The following XRCC4 variants were observed in gnomAD, a reference collection of about 807,000 sequenced individuals.
XRCC4 encodes the protein X-ray repair cross complementing 4.
Under a neutral mutation model 39.1 loss-of-function variants are expected in XRCC4, and 28 were observed. The ratio of observed to expected loss-of-function variants is 0.72; its 90% CI spans 0.53 to 0.98. The LOEUF (loss-of-function observed/expected upper bound fraction) is 0.98, where lower values mean the gene tolerates loss of function less well. Ranked by LOEUF, XRCC4 falls within the 50% of genes least tolerant of loss-of-function variation. The pLI is 0.00. For synonymous variants in XRCC4, 123 were observed against 126.4 expected (o/e 0.97, Z 0.18); for missense variants, 350 against 376.4 (o/e 0.93, Z 0.58).
chr5:83,134,443 G>C (rs566188352), intron 3 of XRCC4, among the ~76,000 whole-genome samples: 2 of 152,166 alleles, frequency 1.3e-5, no homozygotes, highest in Non-Finnish European at 2.9e-5. Context: ...CTAAAGGGTT[G>C]TAAATGCACC....
Position 83,104,891 on chromosome 5 carries a change from T to C in XRCC4, c.-10-19T>C, listed in dbSNP as rs1353239364. ...TTACAGTTTCTTTTAAAAATATTAA[T>C]TGTATTCTCCCATTACAGGTATTAA... On this transcript the variant is annotated intron_variant, in intron 1 of 7. Transcript: ENST00000396027. 1.9e-6 allele frequency: 3 copies of C among 1,605,404 alleles called. No homozygotes were observed. In the South Asian group the frequency reaches 3.3e-5, roughly 18 times the overall value.
chr5:83,237,048 A>G (rs562262547), intron 6 of XRCC4, among the ~76,000 whole-genome samples: 41 of 152,162 alleles, frequency 2.7e-4, no homozygotes, highest in African/African-American at 9.9e-4. Context: ...CCTTTTTTCA[A>G]AAAGGCAATA....
intron 7 of XRCC4, among the ~76,000 whole-genome samples, chr5:83,301,934 A>G (rs1361362416): frequency 6.6e-6 from 1 of 152,016 alleles, no homozygotes; most frequent in South Asian, 2.1e-4. Flanking sequence ...ATTGGTCTGT[A>G]TATCTATTTT....
chr5:83,114,402 G>A (rs1476064976), intron 3 of XRCC4, among the ~76,000 whole-genome samples: 1 of 152,070 alleles, frequency 6.6e-6, no homozygotes, highest in Non-Finnish European at 1.5e-5. Flanking sequence ...CCTGTTGAAT[G>A]CTTTGCTGCT....
chr5:83,343,386 C>T (rs1756820985), intron 7 of XRCC4, among the ~76,000 whole-genome samples: 1 of 152,124 alleles, frequency 6.6e-6, no homozygotes, highest in Non-Finnish European at 1.5e-5. Context: ...ACTTCATTCT[C>T]CCCAAAAGAA....
At chr5:83,093,014 G>GACACAC (rs34020910) in intron 1 of XRCC4, among the ~76,000 whole-genome samples, 6,366 of 149,364 alleles carry the variant, frequency 0.043, 143 homozygotes, top group African/African-American at 0.055. Context: ...TAAATGAATG[G>GACACAC]ACACACACAC....
chr5:83,325,133 C>T (rs1756207382), intron 7 of XRCC4, among the ~76,000 whole-genome samples: 2 of 152,074 alleles, frequency 1.3e-5, no homozygotes, highest in Admixed American at 1.3e-4. Context: ...GGAAATGTTT[C>T]TGCCTCCTAA....
intron 3 of XRCC4, among the ~76,000 whole-genome samples, chr5:83,179,340 C>A (rs141292448): frequency 4.0e-4 from 61 of 152,202 alleles, no homozygotes; most frequent in African/African-American, 1.2e-3. Flanking sequence ...AAGAGCATGT[C>A]TCTCTTTTTT....
At chr5:83,189,286 C>CT (rs928376078) in intron 3 of XRCC4, among the ~76,000 whole-genome samples, 150 of 150,940 alleles carry the variant, frequency 9.9e-4, no homozygotes, top group African/African-American at 3.4e-3. Flanking sequence ...GAGTTTTTTT[C>CT]TTTTTTTTTG....
intron 7 of XRCC4, among the ~76,000 whole-genome samples, chr5:83,276,162 C>T (rs574839868): frequency 6.6e-6 from 1 of 152,174 alleles, no homozygotes; most frequent in Non-Finnish European, 1.5e-5. Flanking sequence ...TACAATACTT[C>T]TCAAGATGCT....
At chr5:83,300,951 G>A (rs1018816636) in intron 7 of XRCC4, among the ~76,000 whole-genome samples, 2 of 152,070 alleles carry the variant, frequency 1.3e-5, no homozygotes, top group African/African-American at 2.4e-5. Context: ...TGGTGTATAT[G>A]TGCCACATTT....
At chr5:83,154,498 G>A (rs1373434482) in intron 3 of XRCC4, among the ~76,000 whole-genome samples, 6 of 152,104 alleles carry the variant, frequency 3.9e-5, no homozygotes, top group Non-Finnish European at 8.8e-5. Flanking sequence ...CTGGTCCCAA[G>A]CATTTCAGAT....
intron 6 of XRCC4, among the ~76,000 whole-genome samples, chr5:83,245,989 AT>A (rs1753085719): frequency 6.6e-6 from 1 of 151,980 alleles, no homozygotes; most frequent in East Asian, 1.9e-4. Flanking sequence ...ATAGATTAAA[AT>A]CTCTCAAATT....
rs1746408501 is a variant in XRCC4 at position 83,110,882 on chromosome 5, A to G, written c.140-146A>G. On this transcript the variant is annotated intron_variant, in intron 2 of 7. Coordinates refer to ENST00000396027, the MANE Select transcript of XRCC4 (RefSeq NM_003401.5). ...TAGTTCAGTAAAAAGGAATAATTTGATTTAAAAATGTGTAGTATAGGGATT... is the reference window on the plus strand; with the variant it reads ...TAGTTCAGTAAAAAGGAATAATTTGGTTTAAAAATGTGTAGTATAGGGATT... 4.3e-6 allele frequency: 3 copies of G among 697,170 alleles called. No individual in the cohort carries two copies. The South Asian group carries it at 7.6e-5, about 18-fold the overall frequency. 43.2% of individuals were successfully genotyped at this position (697,170 alleles called of 1,614,324 possible).
At chr5:83,273,122 T>C (rs1242103594) in intron 7 of XRCC4, among the ~76,000 whole-genome samples, 1 of 152,232 alleles carries the variant, frequency 6.6e-6, no homozygotes, top group Non-Finnish European at 1.5e-5. Context: ...CCATTCTTAC[T>C]GGAGTGAGAT....
intron 2 of XRCC4, among the ~76,000 whole-genome samples, chr5:83,105,735 A>T (rs1746167677): frequency 6.6e-6 from 1 of 152,174 alleles, no homozygotes; most frequent in South Asian, 2.1e-4. Flanking sequence ...TTATTGAAAG[A>T]TTTAAAGAAC....
chr5:83,119,554 C>T (rs1449911374), intron 3 of XRCC4, among the ~76,000 whole-genome samples: 1 of 151,560 alleles, frequency 6.6e-6, no homozygotes, highest in African/African-American at 2.4e-5. Flanking sequence ...GTTTGTGGAC[C>T]CATTTTCTTT....
At chr5:83,134,658 A>C (rs535951187) in intron 3 of XRCC4, among the ~76,000 whole-genome samples, 1 of 152,206 alleles carries the variant, frequency 6.6e-6, no homozygotes, top group East Asian at 1.9e-4. Flanking sequence ...GAATAAACGC[A>C]GGCAACCTGA....
At chr5:83,193,918 T>TC (rs1373014243) in intron 3 of XRCC4, among the ~76,000 whole-genome samples, 2 of 152,142 alleles carry the variant, frequency 1.3e-5, no homozygotes, top group African/African-American at 2.4e-5. Context: ...ACTTTTTTTT[T>TC]CCTTTTTTTG....
Sources: gnomAD v4.1 joint callset for allele counts (sites outside exome capture counted in the v4.1 genomes callset) on GRCh38, gnomAD v4.1.1 for gene constraint, MANE v1.5 for transcripts, NCBI Gene and HGNC (gene_info 2026-07-23, HGNC 2026-07-21) for gene names.